GABRB1: variants seen among roughly 807,000 people sequenced by gnomAD.
GABRB1 encodes the protein gamma-aminobutyric acid type A receptor subunit beta1, also known as gamma-aminobutyric acid receptor subunit beta-1.
A neutral mutation model predicts 51.6 loss-of-function variants in GABRB1; 17 were observed. That is an observed-to-expected ratio of 0.33 (90% confidence interval 0.23 to 0.49). The LOEUF is 0.49. Ranked by LOEUF, GABRB1 falls within the 20% of genes least tolerant of loss-of-function variation. The pLI is 0.99. For missense variants in GABRB1, 410 were observed against 600.6 expected, an observed-to-expected ratio of 0.68 and a Z score of 3.32; for synonymous variants, 247 against 218.9, an observed-to-expected ratio of 1.13 and a Z score of -1.14.
chr4:47,071,694 A>C (rs1289848639), intron 3 of GABRB1, among the ~76,000 whole-genome samples: 1 of 145,830 alleles, frequency 6.9e-6, no homozygotes, highest in Non-Finnish European at 1.5e-5. Flanking sequence ...ACTAGCTTGC[A>C]TAAGGCTGGG....
chr4:47,279,100 AT>A (rs1723186161), intron 4 of GABRB1, among the ~76,000 whole-genome samples: 2 of 151,528 alleles, frequency 1.3e-5, no homozygotes, highest in African/African-American at 4.9e-5. Context: ...GGATGGATGG[AT>A]GGATGGATGG....
chr4:47,080,441 C>T lies in GABRB1; in HGVS notation c.240+47957C>T, dbSNP rs13145961. Among the ~76,000 whole-genome samples, 362 of 152,090 alleles carry T rather than the reference C, an allele frequency of 2.4e-3. 2 individuals are homozygous for T. Among genetic ancestry groups the T allele is most frequent in the Non-Finnish European group, 4.4e-3 (297 of 68,004 alleles). ...TCAGTTTTTAATGTAGGTGTTAGGA[C>T]AGTGAGAGCAAAGAGTAATTATGAA... On this transcript the variant is annotated intron_variant, in intron 3 of 8. Coordinates refer to ENST00000295454, the MANE Select transcript of GABRB1 (RefSeq NM_000812.4).
intron 5 of GABRB1, among the ~76,000 whole-genome samples, chr4:47,369,528 G>T (rs549236512): frequency 6.6e-6 from 1 of 152,026 alleles, no homozygotes; most frequent in South Asian, 2.1e-4. Context: ...ACCAGTAGCA[G>T]TTTGTGACAA....
At chr4:47,082,861 T>C (rs532174565) in intron 3 of GABRB1, among the ~76,000 whole-genome samples, 24 of 152,270 alleles carry the variant, frequency 1.6e-4, no homozygotes, top group African/African-American at 4.8e-4. Context: ...TGTTCTGTCT[T>C]ATAAATAAAG....
At chr4:47,262,389 G>A (rs1306256649) in intron 4 of GABRB1, among the ~76,000 whole-genome samples, 3 of 152,142 alleles carry the variant, frequency 2.0e-5, no homozygotes, top group Non-Finnish European at 4.4e-5. Context: ...CAAAGGATAT[G>A]AACAGACACT....
intron 4 of GABRB1, among the ~76,000 whole-genome samples, chr4:47,183,000 T>C (rs780391777): frequency 4.6e-5 from 7 of 151,928 alleles, no homozygotes; most frequent in Non-Finnish European, 1.0e-4. Flanking sequence ...ATTACAGATT[T>C]CTTGTGTATT....
chr4:47,228,581 A>G (rs1721034008), intron 4 of GABRB1, among the ~76,000 whole-genome samples: 1 of 152,092 alleles, frequency 6.6e-6, no homozygotes, highest in Non-Finnish European at 1.5e-5. Flanking sequence ...GGATCTTTGT[A>G]TGTCTATCAC....
intron 4 of GABRB1, among the ~76,000 whole-genome samples, chr4:47,303,388 A>C (rs77562203): frequency 0.015 from 1,625 of 109,106 alleles, 30 homozygotes; most frequent in African/African-American, 0.056. Context: ...CTCTCTCTCT[A>C]TATATATATA....
intron 4 of GABRB1, among the ~76,000 whole-genome samples, chr4:47,307,823 A>G (rs1188191928): frequency 1.3e-5 from 2 of 151,960 alleles, no homozygotes; most frequent in African/African-American, 2.4e-5. Context: ...CAGCTTGTAA[A>G]CAATTACATG....
At chr4:47,002,929 A>C (rs1724274331) in intron 1 of GABRB1, among the ~76,000 whole-genome samples, 1 of 152,246 alleles carries the variant, frequency 6.6e-6, no homozygotes, top group South Asian at 2.1e-4. Flanking sequence ...AAATGCATGA[A>C]GATAAATATC....
At chr4:47,227,402 G>A (rs1360380265) in intron 4 of GABRB1, among the ~76,000 whole-genome samples, 2 of 152,086 alleles carry the variant, frequency 1.3e-5, no homozygotes, top group Non-Finnish European at 2.9e-5. Context: ...TGTCTCTTAA[G>A]TGTGGGCTTC....
intron 4 of GABRB1, among the ~76,000 whole-genome samples, chr4:47,258,843 A>G (rs1384405953): frequency 6.6e-6 from 1 of 152,182 alleles, no homozygotes; most frequent in Non-Finnish European, 1.5e-5. Context: ...AGCATAGTGT[A>G]AAATTTAGAA....
At chr4:47,015,218 T>G (rs1193378337) in intron 1 of GABRB1, among the ~76,000 whole-genome samples, 1 of 152,202 alleles carries the variant, frequency 6.6e-6, no homozygotes, top group East Asian at 1.9e-4. Context: ...GTAGCCATAT[T>G]TATTATGATG....
rs534878157 is a variant in GABRB1, at chr4:47,272,539, A to T, written c.462-47588A>T. Among the ~76,000 whole-genome samples, 19 of 152,288 alleles carry T rather than the reference A, an allele frequency of 1.2e-4. No individual in the cohort carries two copies. The South Asian group carries it at 2.3e-3, about 18-fold the overall frequency. ...GTTCTATATTAACTAAATAAATTTTAAAAATTATAACTGGTAATTACAGAA... is the reference window on the plus strand; with the variant it reads ...GTTCTATATTAACTAAATAAATTTTTAAAATTATAACTGGTAATTACAGAA... On this transcript the variant is annotated intron_variant, in intron 4 of 8. Transcript: ENST00000295454.
At chr4:47,130,327 G>C (rs370368273) in intron 3 of GABRB1, among the ~76,000 whole-genome samples, 1 of 110 alleles carries the variant, frequency 9.1e-3, no homozygotes, top group Admixed American at 0.062. Context: ...TCCAGATACT[G>C]TGTGTGTGTG....
chr4:47,211,892 A>T (rs1263402416), intron 4 of GABRB1, among the ~76,000 whole-genome samples: 1 of 152,102 alleles, frequency 6.6e-6, no homozygotes, highest in Non-Finnish European at 1.5e-5. Context: ...TCTCCCTCTT[A>T]GAAAGACTCT....
chr4:46,994,276 G>A (rs1015261168), intron 1 of GABRB1: 7 of 152,248 alleles, frequency 4.6e-5, no homozygotes, highest in African/African-American at 1.7e-4. Flanking sequence ...CACACCCTCC[G>A]CTTTGCTGCT....
chr4:47,413,683 A>G (rs1323588709), intron 8 of GABRB1, among the ~76,000 whole-genome samples: 5 of 152,178 alleles, frequency 3.3e-5, no homozygotes, highest in Admixed American at 3.3e-4. Context: ...TGGAGCATAG[A>G]GTGGCCTTGT....
intron 5 of GABRB1, among the ~76,000 whole-genome samples, chr4:47,349,155 T>G (rs972068885): frequency 3.3e-5 from 5 of 152,082 alleles, no homozygotes; most frequent in Admixed American, 3.3e-4. Flanking sequence ...GGGAGGGAGG[T>G]CTGCCTTGAA....
Sources: allele counts gnomAD v4.1 joint callset (sites outside exome capture counted in the v4.1 genomes callset), GRCh38; gene constraint gnomAD v4.1.1; transcripts MANE v1.5; gene names NCBI Gene and HGNC (gene_info 2026-07-23, HGNC 2026-07-21).